The following SLC9A9 variants were observed in gnomAD, a reference collection of about 807,000 sequenced individuals.
The protein encoded by SLC9A9 is solute carrier family 9 member A9, also known as sodium/hydrogen exchanger 9.
A neutral mutation model predicts 77.8 loss-of-function variants in SLC9A9; 62 were observed. The ratio of observed to expected loss-of-function variants is 0.80; its 90% CI spans 0.65 to 0.98. The LOEUF (loss-of-function observed/expected upper bound fraction) is 0.98, where lower values mean the gene tolerates loss of function less well. Ranked by LOEUF, SLC9A9 falls within the 50% of genes least tolerant of loss-of-function variation. The probability of loss-of-function intolerance (pLI) is 0.00; values close to 1 mark genes in which losing one functional copy is unlikely to be tolerated. For missense variants in SLC9A9, 775 were observed against 774.9 expected, an observed-to-expected ratio of 1.00 and a Z score of 0.00; for synonymous variants, 320 against 283.5, an observed-to-expected ratio of 1.13 and a Z score of -1.29.
At position 143,265,844 on chromosome 3, in the gene SLC9A9, G is replaced by C; in HGVS notation, c.*858C>G. ...CTCCTGCACAGTCTGCTGCCAGGTA[G>C]AGAGCAACACAGGCTGCAGAATCCT... On this transcript the variant is annotated 3_prime_UTR_variant, in exon 16 of 16. Transcript: ENST00000316549. The C allele has an allele frequency of 1.7e-6, 1 of 592,038 alleles. No homozygotes were observed. The highest frequency in any genetic ancestry group is 3.0e-6 in the Non-Finnish European group (1 of 331,990). 36.7% of individuals were successfully genotyped at this position (592,038 alleles called of 1,614,324 possible).
At chr3:143,302,687 T>C (rs1255696696) in intron 14 of SLC9A9, among the ~76,000 whole-genome samples, 2 of 152,086 alleles carry the variant, frequency 1.3e-5, no homozygotes, top group African/African-American at 4.8e-5. Context: ...GGACAGATCC[T>C]CCAACCAGCC....
chr3:143,486,027 A>G (rs1049389393), intron 11 of SLC9A9, among the ~76,000 whole-genome samples: 3 of 152,166 alleles, frequency 2.0e-5, no homozygotes. Flanking sequence ...GAAAGTACCA[A>G]GAGAGAAGGG....
At chr3:143,738,466 A>G (rs1403880350) in intron 4 of SLC9A9, among the ~76,000 whole-genome samples, 1 of 152,188 alleles carries the variant, frequency 6.6e-6, no homozygotes, top group Non-Finnish European at 1.5e-5. Context: ...TAGAGTGGAT[A>G]TGTTTCCCTA....
chr3:143,814,224 G>C lies in SLC9A9; in HGVS notation c.379-17321C>G, dbSNP rs560518143. Among the ~76,000 whole-genome samples the C allele has an allele frequency of 3.3e-5, 5 of 152,326 alleles. 1 individual carries two copies. The South Asian group carries it at 1.0e-3, about 32-fold the overall frequency. ...GGGGTCAGAAAGGCTGAGGGCTCAT[G>C]GAGGCTTCTGCTCACTAAGTTGGAG... On this transcript the variant is annotated intron_variant, in intron 2 of 15. Transcript: ENST00000316549.
intron 4 of SLC9A9, among the ~76,000 whole-genome samples, chr3:143,753,888 TAAAG>T (rs1416186790): frequency 6.6e-6 from 1 of 152,190 alleles, no homozygotes; most frequent in Non-Finnish European, 1.5e-5. Flanking sequence ...ACATTTTTAA[TAAAG>T]AGAGAAAAAG....
chr3:143,708,116 C>T lies in SLC9A9; in HGVS notation c.534-14809G>A, dbSNP rs990999309. Among the ~76,000 whole-genome samples the T allele has an allele frequency of 2.6e-5, 4 of 152,254 alleles. No individual in the cohort carries two copies. The East Asian group carries it at 7.7e-4, about 29-fold the overall frequency. ...ATGAGTATGGAATGGGCATAAATCA[C>T]AATGTTGACATGCAGTGGGAGGTAG... On this transcript the variant is annotated intron_variant, in intron 4 of 15. Transcript: ENST00000316549.
At chr3:143,508,394 A>G (rs1379450939) in intron 9 of SLC9A9, among the ~76,000 whole-genome samples, 1 of 152,246 alleles carries the variant, frequency 6.6e-6, no homozygotes, top group East Asian at 1.9e-4. Flanking sequence ...GGAATGCATT[A>G]GATCATCAGG....
intron 2 of SLC9A9, among the ~76,000 whole-genome samples, chr3:143,801,820 A>G (rs759988846): frequency 6.6e-6 from 1 of 152,176 alleles, no homozygotes; most frequent in Non-Finnish European, 1.5e-5. Context: ...TTACATGTCA[A>G]TATTTATGCT....
At chr3:143,363,637 C>T (rs2108484316) in intron 13 of SLC9A9, 74 bp from the exon 14 acceptor site, 1 of 1,353,574 alleles carries the variant, frequency 7.4e-7, no homozygotes, top group South Asian at 1.2e-5. Flanking sequence ...CATGTCAAAC[C>T]AAGTTAAATT....
chr3:143,476,260 C>T (rs919234128), intron 11 of SLC9A9, among the ~76,000 whole-genome samples: 2 of 152,166 alleles, frequency 1.3e-5, no homozygotes, highest in Non-Finnish European at 2.9e-5. Context: ...AAATCTTCTG[C>T]ATTCAAAAAT....
At chr3:143,363,955 A>G (rs955851382) in intron 13 of SLC9A9, among the ~76,000 whole-genome samples, 5 of 152,214 alleles carry the variant, frequency 3.3e-5, no homozygotes, top group Admixed American at 6.5e-5. Flanking sequence ...TAATAGTCTA[A>G]TAAGTGTTAT....
intron 5 of SLC9A9, among the ~76,000 whole-genome samples, chr3:143,688,933 A>C (rs560531717): frequency 1.7e-5 from 2 of 119,866 alleles, no homozygotes; most frequent in Non-Finnish European, 3.7e-5. Context: ...GTATCTTATA[A>C]ATAGAAAAAA....
intron 5 of SLC9A9, chr3:143,655,592 C>G: frequency 3.0e-6 from 3 of 984,682 alleles, no homozygotes; most frequent in Non-Finnish European, 3.6e-6. Flanking sequence ...GATGTTGTAG[C>G]TAGAGAAAAA....
chr3:143,692,026 A>G (rs1403324510), intron 5 of SLC9A9, among the ~76,000 whole-genome samples: 1 of 152,130 alleles, frequency 6.6e-6, no homozygotes. Context: ...CCACCTTTAA[A>G]GTAATCATAC....
At chr3:143,676,943 T>C (rs570228936) in intron 5 of SLC9A9, among the ~76,000 whole-genome samples, 143 of 152,272 alleles carry the variant, frequency 9.4e-4, no homozygotes, top group Non-Finnish European at 4.7e-4. Flanking sequence ...TTTGCACATC[T>C]CAAGCCTGTA....
At position 143,349,675 on chromosome 3, in the gene SLC9A9, G is replaced by A. The variant is rs865977227; in HGVS notation, c.1604+13809C>T. ...ATCTGAACCTAGCTATTTGACTCAT[G>A]CTCTGTGCTGTTCCAGGCGATTGAG... On this transcript the variant is annotated intron_variant, in intron 14 of 15. Coordinates refer to ENST00000316549, the MANE Select transcript of SLC9A9 (RefSeq NM_173653.4). Among the ~76,000 whole-genome samples the A allele has an allele frequency of 3.3e-5, 5 of 152,298 alleles. No homozygotes were observed. The Middle Eastern group carries it at 0.01, about 311-fold the overall frequency.
At chr3:143,281,725 T>G (rs535297491) in intron 14 of SLC9A9, among the ~76,000 whole-genome samples, 1 of 152,332 alleles carries the variant, frequency 6.6e-6, no homozygotes, top group South Asian at 2.1e-4. Flanking sequence ...CCTATGTGCC[T>G]TGAGAATCCA....
intron 12 of SLC9A9, among the ~76,000 whole-genome samples, chr3:143,421,100 T>C (rs1203799355): frequency 6.6e-6 from 1 of 152,086 alleles, no homozygotes; most frequent in East Asian, 1.9e-4. Flanking sequence ...GAGAGATCTC[T>C]ACAAGAACTA....
chr3:143,340,873 A>G (rs1158221189), intron 14 of SLC9A9, among the ~76,000 whole-genome samples: 1 of 152,170 alleles, frequency 6.6e-6, no homozygotes, highest in Admixed American at 6.5e-5. Flanking sequence ...TGAAAAAGAG[A>G]GATTGGAAAT....
Sources: allele counts gnomAD v4.1 joint callset (sites outside exome capture counted in the v4.1 genomes callset), GRCh38; gene constraint gnomAD v4.1.1; transcripts MANE v1.5; gene names NCBI Gene and HGNC (gene_info 2026-07-23, HGNC 2026-07-21).